AGAP2: variants seen among roughly 807,000 people sequenced by gnomAD.
AGAP2 encodes ArfGAP with GTPase domain, ankyrin repeat and PH domain 2.
In AGAP2, 32 loss-of-function variants were observed where a neutral mutation model predicts 110.9. The ratio of observed to expected loss-of-function variants is 0.29; its 90% CI spans 0.22 to 0.39. The LOEUF is 0.39. Ranked by LOEUF, AGAP2 falls within the 10% of genes least tolerant of loss-of-function variation. The pLI is 1.00. For missense variants in AGAP2, 1,285 were observed against 1,638.5 expected (o/e 0.78, Z 3.72); for synonymous variants, 702 against 713.0 (o/e 0.98, Z 0.25).
In AGAP2 at chr12:57,737,883, G is replaced by A; in HGVS notation, c.364C>T (p.Pro122Ser). The change falls in exon 1 of 19, where the codon CCG (proline) becomes TCG (serine). Residue 122 changes from proline (P) to serine (S), a missense_variant. This residue lies in a region of AGAP2 where 844 missense variants were observed against 941.2 expected (regional missense o/e 0.90). Coordinates refer to ENST00000547588, the MANE Select transcript of AGAP2 (RefSeq NM_001122772.3). The surrounding 1 kb of genome is among the most constrained non-coding windows in gnomAD (Gnocchi z 5.9). ...LSLWAVPPGP[P>S]LSGGLSPDPK... Reference sequence around the variant, plus strand: ...TCGGGGCTCAGTCCCCCGGAGAGCGGGGGTCCCGGAGGGACGGCCCAGAGG... The same window carrying A: ...TCGGGGCTCAGTCCCCCGGAGAGCGAGGGTCCCGGAGGGACGGCCCAGAGG... The A allele has an allele frequency of 7.0e-7, 1 of 1,425,252 alleles. No individual in the cohort carries two copies. The highest frequency in any genetic ancestry group is 1.5e-5 in the African/African-American group (1 of 66,212). 88.3% of individuals were successfully genotyped at this position (1,425,252 alleles called of 1,614,324 possible).
At chr12:57,735,304 A>C in intron 2 of AGAP2, 65 bp downstream of exon 2, 1 of 1,416,066 alleles carries the variant, frequency 7.1e-7, no homozygotes, top group South Asian at 1.2e-5. Flanking sequence ...GTGAAGGGAG[A>C]GAGCTGAGAG....
At chr12:57,730,757 C>T (rs766933060) in intron 11 of AGAP2, 34 bp downstream of exon 11, 1 of 1,612,826 alleles carries the variant, frequency 6.2e-7, no homozygotes, top group South Asian at 1.1e-5. Context: ...AGCCCTGGCC[C>T]CTCTTCTGCT....
At chr12:57,739,451 C>T (rs1955050062), upstream of AGAP2, among the ~76,000 whole-genome samples, 1 of 152,050 alleles carries the variant, frequency 6.6e-6, no homozygotes, top group African/African-American at 2.4e-5. Context: ...GAAAATGTTC[C>T]CCAGGGATGG....
In AGAP2 at chr12:57,727,052, T is replaced by C. The variant is rs1371105935; in HGVS notation, c.3258A>G (p.Val1086=). The C allele has an allele frequency of 1.2e-6, 2 of 1,605,564 alleles. No homozygotes were observed. The highest frequency in any genetic ancestry group is 1.3e-5 in the African/African-American group (1 of 74,810). Reference sequence around the variant, plus strand: ...GTGGGGAGCGCAGCTGTGGGTCCTCTACGCTGGTGTCGAGCGGCCCGTGTC... The same window carrying C: ...GTGGGGAGCGCAGCTGTGGGTCCTCCACGCTGGTGTCGAGCGGCCCGTGTC... ...HARHGPLDTS[V]EDPQLRSPLH... The change falls in exon 18 of 19, where the codon GTA becomes GTG. Residue 1086 remains valine (V), a synonymous_variant. Coordinates refer to ENST00000547588, the MANE Select transcript of AGAP2 (RefSeq NM_001122772.3).
At chr12:57,741,693 C>T (rs774125402), upstream of AGAP2, among the ~76,000 whole-genome samples, 4 of 152,108 alleles carry the variant, frequency 2.6e-5, no homozygotes, top group Non-Finnish European at 1.5e-5. Context: ...TCAACAGGGA[C>T]CTGTATTTTG....
chr12:57,733,936 C>T (rs1309479157), intron 5 of AGAP2, 90 bp downstream of exon 5: 1 of 1,456,944 alleles, frequency 6.9e-7, no homozygotes, highest in African/African-American at 1.4e-5. Flanking sequence ...CATTTCCACA[C>T]CTTACCAAGT....
Position 57,738,682 on chromosome 12 carries a change from C to T in AGAP2, c.-436G>A, listed in dbSNP as rs1218807840. 1.3e-5 allele frequency among the ~76,000 whole-genome samples: 2 copies of T among 151,132 alleles called. No individual in the cohort carries two copies. The highest frequency in any genetic ancestry group is 3.0e-5 in the Non-Finnish European group (2 of 67,796). On this transcript the variant is annotated 5_prime_UTR_variant, in exon 1 of 19. Coordinates refer to ENST00000547588, the MANE Select transcript of AGAP2 (RefSeq NM_001122772.3). The surrounding 1 kb of genome is among the most constrained non-coding windows in gnomAD (Gnocchi z 6.7). ...GAGGCAGGGGCGGGGAATTGGGACT[C>T]AAGGGACAGGGGCCGCGGATGCGGT...
rs1358571109 is a variant in AGAP2 at position 57,730,601 on chromosome 12, G to C, written c.2322C>G (p.Pro774=). 2 of 1,613,332 alleles carry C rather than the reference G, an allele frequency of 1.2e-6. No homozygotes were observed. The highest frequency in any genetic ancestry group is 8.5e-7 in the Non-Finnish European group (1 of 1,179,664). ...QMGEGLEATT[P]MPSPSPSPSS... ...TGGGGCTGGGGCTAGGGCTTGGCAT[G>C]GGAGTAGTGGCTTCTGTCGGAAGAA... The change falls in exon 12 of 19, where the codon CCC becomes CCG. Residue 774 remains proline (P), a synonymous_variant. Transcript: ENST00000547588.
chr12:57,737,188 G>A lies in AGAP2; in HGVS notation c.1059C>T (p.Thr353=), dbSNP rs1954999228. The A allele has an allele frequency of 6.3e-7, 1 of 1,593,694 alleles. No individual in the cohort carries two copies. Among genetic ancestry groups the A allele is most frequent in the Admixed American group, 1.8e-5 (1 of 56,182 alleles). Residue 353 remains threonine, a synonymous_variant, in exon 1 of 19, where the codon ACC becomes ACT. Coordinates refer to ENST00000547588, the MANE Select transcript of AGAP2 (RefSeq NM_001122772.3). The surrounding 1 kb of genome is among the most constrained non-coding windows in gnomAD (Gnocchi z 5.9). ...KMLKFISGIF[T]KSTGGPPGSG... ...AGCCAGGAGGCCCTCCTGTGCTCTT[G>A]GTGAAGATGCCGCTGATAAACTTGA...
Position 57,730,856 on chromosome 12 carries a change from C to T in AGAP2, c.2243G>A (p.Gly748Asp). ...GAGCCCGTTAATGCTGGCTGAGGGG[C>T]CAAAGGCAGAGATGGCCCTCGGGGG... ...KRPPRAISAF[G>D]PSASINGLVK... Residue 748 changes from glycine (G) to aspartate (D), a missense_variant, in exon 11 of 19, where the codon GGC becomes GAC. Physicochemically the swap from Gly to Asp is moderately conservative, Grantham distance 94. This residue lies in a region of AGAP2 where 135 missense variants were observed against 182.0 expected (regional missense o/e 0.74). Transcript: ENST00000547588. 1 of 1,613,738 alleles carries T rather than the reference C, an allele frequency of 6.2e-7. No homozygotes were observed. The highest frequency in any genetic ancestry group is 1.1e-5 in the South Asian group (1 of 90,982).
Position 57,732,520 on chromosome 12 carries a change from G to C in AGAP2, c.1685-8C>G. On this transcript the variant is annotated splice_polypyrimidine_tract_variant and splice_region_variant and intron_variant, in intron 6 of 18. Coordinates refer to ENST00000547588, the MANE Select transcript of AGAP2 (RefSeq NM_001122772.3). ...TCACCACCTTCTGGGCCACTGAGGG[G>C]AGTTGACGGAAGGAGGTGTGAGCAG... The C allele has an allele frequency of 6.3e-7, 1 of 1,576,168 alleles. No homozygotes were observed. Among genetic ancestry groups the C allele is most frequent in the Non-Finnish European group, 8.6e-7 (1 of 1,159,658 alleles).
In AGAP2 at chr12:57,738,263, C is replaced by T; in HGVS notation, c.-17G>A. 1 of 1,498,766 alleles carries T rather than the reference C, an allele frequency of 6.7e-7. No individual in the cohort carries two copies. The highest frequency in any genetic ancestry group is 2.7e-5 in the East Asian group (1 of 37,116). 92.8% of individuals were successfully genotyped at this position (1,498,766 alleles called of 1,614,324 possible). On this transcript the variant is annotated 5_prime_UTR_variant, in exon 1 of 19. Coordinates refer to ENST00000547588, the MANE Select transcript of AGAP2 (RefSeq NM_001122772.3). This position sits in a 1 kb window ranked among gnomAD's most constrained non-coding sequence, Gnocchi z 6.7. ...CCGGCTCATGGGGCCCGGAGACCCC[C>T]GAGCTGGGGAGGGGAGGGGACTCCC...
rs937873701 is a variant in AGAP2 at position 57,734,610 on chromosome 12, C to T, written c.1297G>A (p.Val433Met). Residue 433 changes from valine (V) to methionine (M), a missense_variant, in exon 3 of 19, where the codon GTG (valine) becomes ATG (methionine). This residue lies in a region of AGAP2 where 844 missense variants were observed against 941.2 expected (regional missense o/e 0.90). Transcript: ENST00000547588. ...IHRFLTGSYQ[V>M]LEKTESEQYK... ...AACTCACTCTCTGTCTTCTCCAGCA[C>T]CTGGTATGAGCCAGTCAGGAATCGG... 2 of 1,614,066 alleles carry T rather than the reference C, an allele frequency of 1.2e-6. No homozygotes were observed. Among genetic ancestry groups the T allele is most frequent in the African/African-American group, 1.3e-5 (1 of 74,918 alleles).
chr12:57,730,320 C>A lies in AGAP2; in HGVS notation c.2428+175G>T. On this transcript the variant is annotated intron_variant, in intron 12 of 18. Coordinates refer to ENST00000547588, the MANE Select transcript of AGAP2 (RefSeq NM_001122772.3). ...AAGCTCAGGCAGTTGACGTTAGAGTCCACTTGTCTTAACCATTATGATAGA... is the reference window on the plus strand; with the variant it reads ...AAGCTCAGGCAGTTGACGTTAGAGTACACTTGTCTTAACCATTATGATAGA... 7 of 950,242 alleles carry A rather than the reference C, an allele frequency of 7.4e-6. No individual in the cohort carries two copies. In the South Asian group the frequency reaches 1.2e-4, roughly 17 times the overall value. 58.9% of individuals were successfully genotyped at this position (950,242 alleles called of 1,614,324 possible). A position where few individuals can be genotyped will look rare whatever the true frequency, so the allele number is the denominator to read the frequency against.
chr12:57,730,996 C>T, intron 10 of AGAP2, 43 bp from the exon 11 acceptor site: 2 of 1,468,940 alleles, frequency 1.4e-6, no homozygotes, highest in Non-Finnish European at 9.0e-7. Context: ...GGTTGGGGTC[C>T]TTGGTATGCT....
At chr12:57,730,474 T>A (rs371708596) in intron 12 of AGAP2, 21 bp downstream of exon 12, 16 of 1,613,148 alleles carry the variant, frequency 9.9e-6, no homozygotes, top group Non-Finnish European at 1.4e-5. Context: ...AGACAGCAGA[T>A]GGAAGGTCAT....
Position 57,725,772 on chromosome 12 carries a change from C to T in AGAP2, c.*780G>A, listed in dbSNP as rs1954751045. 6.6e-6 allele frequency: 1 copy of T among 151,150 alleles called. No individual in the cohort carries two copies. The highest frequency in any genetic ancestry group is 6.6e-5 in the Admixed American group (1 of 15,190). The allele number at this position is 151,150 out of a possible 1,614,324, so 9.4% of individuals were successfully genotyped here. ...CCACGCCCCTGCCCGCCCCCATCCC[C>T]ATGTTGGGGAACAAAGCAATAAATT... On this transcript the variant is annotated 3_prime_UTR_variant, in exon 19 of 19. Transcript: ENST00000547588.
chr12:57,737,951 C>T lies in AGAP2; in HGVS notation c.296G>A (p.Ser99Asn). ...EPPALSPAPA[S>N]PARPVSPAPG... ...AGCGGGGGAGACTGGGCGGGCCGGA[C>T]TGGCCGGAGCCGGGGACAGGGCTGG... Residue 99 changes from serine to asparagine, a missense_variant, in exon 1 of 19, where the codon AGT becomes AAT. Ser to Asn is a conservative substitution (Grantham distance 46). Around this residue, in one of 7 missense-constraint regions of AGAP2, gnomAD observed 844 missense variants for 941.2 expected, o/e 0.90. Transcript: ENST00000547588. The surrounding 1 kb of genome is among the most constrained non-coding windows in gnomAD (Gnocchi z 5.9). 1 of 1,396,466 alleles carries T rather than the reference C, an allele frequency of 7.2e-7. No homozygotes were observed. The highest frequency in any genetic ancestry group is 9.2e-7 in the Non-Finnish European group (1 of 1,085,710). 86.5% of individuals were successfully genotyped at this position (1,396,466 alleles called of 1,614,324 possible).
In AGAP2 at chr12:57,734,334, C is replaced by G; in HGVS notation, c.1386G>C (p.Gly462=). The G allele has an allele frequency of 1.2e-6, 2 of 1,614,202 alleles. No individual in the cohort carries two copies. The highest frequency in any genetic ancestry group is 2.7e-5 in the African/African-American group (2 of 75,052). The part of the protein sequence containing the change: ...THLVLIREEA[G]APDAKFSGWA... ...CCACCCTCACCTTGGCATCAGGTGC[C>G]CCAGCTTCCTCTCGGATTAGCACCA... Residue 462 remains glycine, a synonymous_variant, in exon 4 of 19, where the codon GGG becomes GGC. Coordinates refer to ENST00000547588, the MANE Select transcript of AGAP2 (RefSeq NM_001122772.3).
Sources: gnomAD v4.1 joint callset for allele counts (sites outside exome capture counted in the v4.1 genomes callset) on GRCh38, gnomAD v4.1.1 for gene constraint, gnomAD v4.1.1 regional missense constraint, Gnocchi (gnomAD v3.1) non-coding constraint, MANE v1.5 for transcripts, NCBI Gene and HGNC (gene_info 2026-07-23, HGNC 2026-07-21) for gene names.